Variants in OR9Q1 observed in about 807,000 individuals in gnomAD.
The protein encoded by OR9Q1 is olfactory receptor 9Q1.
For missense variants in OR9Q1, 374 were observed against 378.8 expected, an observed-to-expected ratio of 0.99 and a Z score of 0.11; for synonymous variants, 153 against 148.6, an observed-to-expected ratio of 1.03 and a Z score of -0.22.
intron 2 of OR9Q1, among the ~76,000 whole-genome samples, chr11:58,112,292 C>CAAAAAAAAAAAAAAAAAA (rs761960271): frequency 9.0e-6 from 1 of 111,712 alleles, no homozygotes; most frequent in Admixed American, 8.9e-5. Flanking sequence ...GACTTCGTCT[C>CAAAAAAAAAAAAAAAAAA]AAAGAAAAAA....
chr11:58,124,869 C>A (rs547868149), intron 2 of OR9Q1, among the ~76,000 whole-genome samples: 1 of 152,272 alleles, frequency 6.6e-6, no homozygotes, highest in East Asian at 1.9e-4. Context: ...GATCACAATA[C>A]TATGCATTGT....
intron 1 of OR9Q1, among the ~76,000 whole-genome samples, chr11:58,029,687 C>A (rs1026777138): frequency 6.6e-6 from 1 of 152,122 alleles, no homozygotes; most frequent in Non-Finnish European, 1.5e-5. Context: ...GATATTGGAG[C>A]TTAAATTCAA....
At chr11:58,075,553 T>G (rs959160168) in intron 2 of OR9Q1, 3 of 152,194 alleles carry the variant, frequency 2.0e-5, no homozygotes, top group Admixed American at 2.0e-4. Context: ...ATGGAATTAG[T>G]TCCTTTCTGA....
intron 2 of OR9Q1, chr11:58,077,766 A>C (rs1853551067): frequency 6.6e-6 from 1 of 152,218 alleles, no homozygotes; most frequent in Admixed American, 6.5e-5. Context: ...ATTTGATCTA[A>C]TTGTCATCAC....
At chr11:58,111,962 T>A (rs1158147476) in intron 2 of OR9Q1, among the ~76,000 whole-genome samples, 1 of 152,164 alleles carries the variant, frequency 6.6e-6, no homozygotes, top group Non-Finnish European at 1.5e-5. Flanking sequence ...CTTCCAGTAC[T>A]GTTTCTGCTT....
intron 2 of OR9Q1, among the ~76,000 whole-genome samples, chr11:58,152,727 T>A (rs958976962): frequency 6.6e-6 from 1 of 152,224 alleles, no homozygotes; most frequent in Non-Finnish European, 1.5e-5. Context: ...GATTTATTCA[T>A]TTTTTTCTTT....
At chr11:58,154,152 AGAGGAGAAGGAG>A (rs1236680697) in intron 2 of OR9Q1, among the ~76,000 whole-genome samples, 196 of 142,618 alleles carry the variant, frequency 1.4e-3, no homozygotes, top group African/African-American at 4.1e-3. Flanking sequence ...AGAAGGAGGA[AGAGGAGAAGGAG>A]GAGGAGAAGG....
In OR9Q1 at chr11:58,053,609, A is replaced by AAAAAAAAATATATAT. The variant is rs1554965484; in HGVS notation, c.-92-2257_-92-2256insAAAATATATATAAAA. ...AACTTAAAGTATAATAATAAAATTA[A>AAAAAAAAATATATAT]AAAATATATATATATATAAAATATA... On this transcript the variant is annotated intron_variant, in intron 1 of 2. Coordinates refer to ENST00000335397, the MANE Select transcript of OR9Q1 (RefSeq NM_001005212.4). Among the ~76,000 whole-genome samples, 119 of 68,698 alleles carry AAAAAAAAATATATAT rather than the reference A, an allele frequency of 1.7e-3. 1 individual carries two copies. Among genetic ancestry groups the AAAAAAAAATATATAT allele is most frequent in the African/African-American group, 5.5e-3 (113 of 20,434 alleles). 45.1% of individuals were successfully genotyped at this position (68,698 alleles called of 152,430 possible).
intron 2 of OR9Q1, among the ~76,000 whole-genome samples, chr11:58,096,404 C>A (rs1469423469): frequency 6.6e-6 from 1 of 152,178 alleles, no homozygotes; most frequent in South Asian, 2.1e-4. Context: ...CACAGACAAC[C>A]GCTATTCTGA....
chr11:58,070,622 G>A (rs1853478555), intron 2 of OR9Q1, among the ~76,000 whole-genome samples: 1 of 152,186 alleles, frequency 6.6e-6, no homozygotes, highest in Non-Finnish European at 1.5e-5. Context: ...AGACTTCAAT[G>A]GCATAAATTC....
chr11:58,034,733 T>TC lies in OR9Q1; in HGVS notation c.-93+10630dup, dbSNP rs1448250405. Among the ~76,000 whole-genome samples, 333 of 139,090 alleles carry TC rather than the reference T, an allele frequency of 2.4e-3. 3 individuals are homozygous for TC. The highest frequency in any genetic ancestry group is 0.011 in the Middle Eastern group (3 of 266). 91.2% of individuals were successfully genotyped at this position (139,090 alleles called of 152,430 possible). ...CACACTGTCTGTCTTAAGGTTTCTT[T>TC]CTTTCCTTCCTTCCTTCCTTCCTTC... On this transcript the variant is annotated intron_variant, in intron 1 of 2. Transcript: ENST00000335397.
chr11:58,142,258 G>A (rs185416724), intron 2 of OR9Q1, among the ~76,000 whole-genome samples: 271 of 152,002 alleles, frequency 1.8e-3, no homozygotes, highest in African/African-American at 5.7e-3. Context: ...CAGGCTCCAC[G>A]AGAATGAGCA....
intron 2 of OR9Q1, among the ~76,000 whole-genome samples, chr11:58,072,095 A>C (rs762026426): frequency 6.6e-6 from 1 of 152,206 alleles, no homozygotes; most frequent in African/African-American, 2.4e-5. Flanking sequence ...CTTGTAGGTT[A>C]ATTGTAAAAA....
chr11:58,147,915 G>A (rs1050692603), intron 2 of OR9Q1, among the ~76,000 whole-genome samples: 47 of 152,120 alleles, frequency 3.1e-4, no homozygotes, highest in African/African-American at 8.2e-4. Flanking sequence ...ATAGAATTCA[G>A]TCAGGAATTC....
chr11:58,096,240 G>A (rs900871412), intron 2 of OR9Q1, among the ~76,000 whole-genome samples: 6 of 146,866 alleles, frequency 4.1e-5, no homozygotes, highest in Admixed American at 2.8e-4. Context: ...TTTACATACA[G>A]TAAAATACAT....
chr11:58,132,736 C>T (rs1485730794), intron 2 of OR9Q1, among the ~76,000 whole-genome samples: 1 of 152,074 alleles, frequency 6.6e-6, no homozygotes, highest in Non-Finnish European at 1.5e-5. Flanking sequence ...GAGGAGGCCG[C>T]CAGACAAGAT....
intron 2 of OR9Q1, among the ~76,000 whole-genome samples, chr11:58,115,618 A>G (rs747216971): frequency 6.6e-5 from 10 of 152,276 alleles, no homozygotes; most frequent in Admixed American, 4.6e-4. Flanking sequence ...CTTCCCTTGA[A>G]TCCCACTATG....
At chr11:58,043,790 T>C (rs1853189697) in intron 1 of OR9Q1, among the ~76,000 whole-genome samples, 1 of 152,216 alleles carries the variant, frequency 6.6e-6, no homozygotes, top group Non-Finnish European at 1.5e-5. Context: ...AATATTTATT[T>C]ATTTATTACA....
chr11:58,031,325 G>C, intron 1 of OR9Q1: 1 of 1,614,124 alleles, frequency 6.2e-7, no homozygotes, highest in Non-Finnish European at 8.5e-7. Flanking sequence ...CATGGCCTAT[G>C]ATCGTTATGT....
Sources: allele counts gnomAD v4.1 joint callset (sites outside exome capture counted in the v4.1 genomes callset), GRCh38; gene constraint gnomAD v4.1.1; transcripts MANE v1.5; gene names NCBI Gene and HGNC (gene_info 2026-07-23, HGNC 2026-07-21).